The following SLC1A7 variants were observed in gnomAD, a reference collection of about 807,000 sequenced individuals.
SLC1A7 encodes solute carrier family 1 member 7, also known as excitatory amino acid transporter 5.
SLC1A7 carries 40 observed loss-of-function variants against 47.7 expected under a neutral mutation model. The observed-to-expected ratio is 0.84, with a 90% CI of 0.65 to 1.09. The LOEUF (loss-of-function observed/expected upper bound fraction) is 1.09. Ranked by LOEUF, SLC1A7 falls within the 50% of genes least tolerant of loss-of-function variation. The pLI, the probability that SLC1A7 is intolerant of heterozygous loss-of-function variation, is 0.00. For missense variants in SLC1A7, 746 were observed against 769.5 expected, an observed-to-expected ratio of 0.97 and a Z score of 0.36; for synonymous variants, 323 against 325.6, an observed-to-expected ratio of 0.99 and a Z score of 0.09.
At chr1:53,093,628 A>G (rs1557667992) in intron 5 of SLC1A7, 68 bp from the exon 6 acceptor site, 10 of 1,268,264 alleles carry the variant, frequency 7.9e-6, no homozygotes, top group South Asian at 1.3e-5. Flanking sequence ...GGGTCTCAGC[A>G]TGGCTGGCTT....
intron 1 of SLC1A7, among the ~76,000 whole-genome samples, chr1:53,134,784 A>T (rs1304274754): frequency 2.0e-5 from 3 of 152,214 alleles, no homozygotes; most frequent in African/African-American, 7.2e-5. Context: ...CAGAGACTGA[A>T]CCCTGTGGAC....
chr1:53,123,796 C>G (rs577053988), intron 2 of SLC1A7, among the ~76,000 whole-genome samples: 1 of 152,358 alleles, frequency 6.6e-6, no homozygotes, highest in East Asian at 1.9e-4. Context: ...CAGCCCACAG[C>G]GGGCCACGTT....
At chr1:53,137,384 C>A (rs2150347936) in intron 1 of SLC1A7, among the ~76,000 whole-genome samples, 1 of 151,776 alleles carries the variant, frequency 6.6e-6, no homozygotes, top group South Asian at 2.1e-4. Context: ...ATGCTCAGTT[C>A]TTCTAGCTGT....
intron 3 of SLC1A7, chr1:53,107,870 T>C (rs1644660838): frequency 6.6e-6 from 1 of 152,236 alleles, no homozygotes; most frequent in Non-Finnish European, 1.5e-5. Flanking sequence ...AGGAAAACGA[T>C]GGAAAGATAC....
intron 2 of SLC1A7, among the ~76,000 whole-genome samples, chr1:53,132,286 T>G (rs1241977133): frequency 6.6e-6 from 1 of 151,894 alleles, no homozygotes; most frequent in Non-Finnish European, 1.5e-5. Flanking sequence ...GGACAAGAAG[T>G]GAGGCGAGGA....
chr1:53,134,799 T>C (rs56725865), intron 1 of SLC1A7, among the ~76,000 whole-genome samples: 10,206 of 152,252 alleles, frequency 0.067, 449 homozygotes, highest in Middle Eastern at 0.14. Flanking sequence ...GTGGACGTTG[T>C]TTTTTTCCTA....
chr1:53,106,528 C>T (rs1032935983), intron 3 of SLC1A7, among the ~76,000 whole-genome samples: 3 of 150,570 alleles, frequency 2.0e-5, no homozygotes, highest in East Asian at 2.0e-4. Flanking sequence ...GGCGTGAACC[C>T]GGCGGAGCTT....
chr1:53,098,213 C>T (rs1198889761), intron 5 of SLC1A7, among the ~76,000 whole-genome samples: 1 of 151,372 alleles, frequency 6.6e-6, no homozygotes, highest in Non-Finnish European at 1.5e-5. Flanking sequence ...CATGCCCCAC[C>T]TTGGTACACT....
At chr1:53,124,246 C>T (rs1234315616) in intron 2 of SLC1A7, among the ~76,000 whole-genome samples, 2 of 822 alleles carry the variant, frequency 2.4e-3, no homozygotes, top group African/African-American at 2.8e-3. Flanking sequence ...ACAATACATA[C>T]ACAACACACA....
chr1:53,089,991 G>A lies in SLC1A7; in HGVS notation c.1227-57C>T, dbSNP rs2306460. 84 of 1,597,690 alleles carry A rather than the reference G, an allele frequency of 5.3e-5. No homozygotes were observed. The East Asian group carries it at 1.8e-3, about 35-fold the overall frequency. ...CAGGAGGGGCAGGGTGCATTGTCAG[G>A]GTCTGGCTCCAAGGAAGAGGTTGAG... On this transcript the variant is annotated intron_variant, in intron 8 of 10. Transcript: ENST00000371494.
At chr1:53,132,562 G>A (rs1644952035) in intron 2 of SLC1A7, among the ~76,000 whole-genome samples, 1 of 152,210 alleles carries the variant, frequency 6.6e-6, no homozygotes, top group African/African-American at 2.4e-5. Context: ...AACTTGAAGT[G>A]TGGCTGGGCA....
At chr1:53,092,828 C>T in intron 6 of SLC1A7, 41 bp from the exon 7 acceptor site, 1 of 1,321,266 alleles carries the variant, frequency 7.6e-7, no homozygotes, top group Non-Finnish European at 1.1e-6. Flanking sequence ...ACCAGGCAGG[C>T]AGACACACCC....
chr1:53,125,550 C>T (rs1176603433), intron 2 of SLC1A7, among the ~76,000 whole-genome samples: 1 of 152,152 alleles, frequency 6.6e-6, no homozygotes, highest in Non-Finnish European at 1.5e-5. Context: ...GCCGAGATGG[C>T]CTGGCATTCA....
chr1:53,121,617 T>A (rs116123167), intron 2 of SLC1A7, among the ~76,000 whole-genome samples: 1,871 of 152,376 alleles, frequency 0.012, 17 homozygotes, highest in Non-Finnish European at 0.02. Context: ...GAATAGCTAA[T>A]GTGCTGGATG....
intron 8 of SLC1A7, 85 bp from the exon 9 acceptor site, chr1:53,090,019 T>A (rs1644402789): frequency 6.7e-7 from 1 of 1,482,630 alleles, no homozygotes; most frequent in South Asian, 1.1e-5. Context: ...AGGTTGAGTG[T>A]CAGGGCCTCT....
chr1:53,090,031 G>T, intron 8 of SLC1A7, 97 bp from the exon 9 acceptor site: 1 of 1,389,102 alleles, frequency 7.2e-7, no homozygotes, highest in South Asian at 1.2e-5. Context: ...AGGGCCTCTG[G>T]GACAGCCATT....
At chr1:53,140,286 T>C (rs1645043468) in intron 1 of SLC1A7, among the ~76,000 whole-genome samples, 1 of 152,264 alleles carries the variant, frequency 6.6e-6, no homozygotes, top group African/African-American at 2.4e-5. Context: ...GTTTGGCTTT[T>C]AATAATAGGC....
At chr1:53,142,200 G>A (rs1645064724) in intron 1 of SLC1A7, 115 bp downstream of exon 1, 2 of 1,179,834 alleles carry the variant, frequency 1.7e-6, no homozygotes, top group African/African-American at 1.5e-5. Context: ...AGAGGCAGAG[G>A]GATTCACACA....
intron 7 of SLC1A7, chr1:53,091,089 G>A: frequency 1.2e-6 from 1 of 840,258 alleles, no homozygotes; most frequent in Non-Finnish European, 1.8e-6. Flanking sequence ...GGAGGTCTGA[G>A]CAGCAGGGCC....
Sources: allele counts gnomAD v4.1 joint callset (sites outside exome capture counted in the v4.1 genomes callset), GRCh38; gene constraint gnomAD v4.1.1; transcripts MANE v1.5; gene names NCBI Gene and HGNC (gene_info 2026-07-23, HGNC 2026-07-21).